DPH6: variants seen among roughly 807,000 people sequenced by gnomAD.
DPH6 encodes diphthine--ammonia ligase.
DPH6 carries 33 observed loss-of-function variants against 38.2 expected under a neutral mutation model. The observed-to-expected ratio is 0.86, with a 90% CI of 0.65 to 1.15. The LOEUF is 1.15. Ranked by LOEUF, DPH6 falls within the 50% of genes most tolerant of loss-of-function variation. DPH6 has a pLI of 0.00. For synonymous variants in DPH6, 108 were observed against 103.0 expected (o/e 1.05, Z -0.30); for missense variants, 325 against 320.0 (o/e 1.02, Z -0.12).
the DPH6 span, among the ~76,000 whole-genome samples, chr15:35,177,295 C>T: frequency 4.6e-5 from 7 of 151,930 alleles, no homozygotes; most frequent in African/African-American, 1.4e-4. Flanking sequence ...TTTATTTGGG[C>T]CATGCACGGT....
the DPH6 span, among the ~76,000 whole-genome samples, chr15:35,154,198 T>C: frequency 1.3e-5 from 2 of 152,138 alleles, no homozygotes; most frequent in Non-Finnish European, 2.9e-5. Flanking sequence ...CATAAAGAAA[T>C]GATAAATGCA....
At chr15:35,496,567 A>AAAAAATATATATATATAT in intron 3 of DPH6, among the ~76,000 whole-genome samples, 59 of 30,992 alleles carry the variant, frequency 1.9e-3, no homozygotes, top group Non-Finnish European at 2.8e-3. Context: ...AAAAAAAAAA[A>AAAAAATATATATATATAT]ATATATATAT....
chr15:35,377,832 A>C (rs888444299), intron 7 of DPH6, among the ~76,000 whole-genome samples: 5 of 152,058 alleles, frequency 3.3e-5, no homozygotes, highest in Admixed American at 1.3e-4. Flanking sequence ...TCTCATAATA[A>C]ACTTCTACTT....
At chr15:35,536,816 T>C (rs890570231) in intron 3 of DPH6, among the ~76,000 whole-genome samples, 40 of 152,122 alleles carry the variant, frequency 2.6e-4, no homozygotes, top group African/African-American at 9.4e-4. Flanking sequence ...AAGTGAAAAC[T>C]GTCAAGATCA....
the DPH6 span, among the ~76,000 whole-genome samples, chr15:35,199,811 A>G: frequency 6.6e-6 from 1 of 152,116 alleles, no homozygotes; most frequent in African/African-American, 2.4e-5. Context: ...TTGTCCTGGA[A>G]ATAGGAGAGT....
At chr15:35,283,071 C>CTCT (rs753006243) in intron 3 of DPH6, 1 of 159,934 alleles carries the variant, frequency 6.3e-6, no homozygotes, top group African/African-American at 2.5e-5. Flanking sequence ...CTTCTTCTTC[C>CTCT]TCTTCTTCTT....
At position 35,430,299 on chromosome 15, in the gene DPH6, T is replaced by C. The variant is rs575088913; in HGVS notation, c.506-19403A>G. Among the ~76,000 whole-genome samples the C allele has an allele frequency of 1.0e-3, 157 of 151,944 alleles. 2 individuals carry two copies. The highest frequency in any genetic ancestry group is 3.7e-3 in the African/African-American group (152 of 41,454). ...AATGCATTCATTGCTACTCAGTTTA[T>C]AAAGTACCTATGGTTATTTACCTGA... is the stretch of plus-strand genomic sequence containing the variant. On this transcript the variant is annotated intron_variant, in intron 5 of 8. Transcript: ENST00000256538.
At chr15:35,189,636 C>T in the DPH6 span, among the ~76,000 whole-genome samples, 1 of 152,074 alleles carries the variant, frequency 6.6e-6, no homozygotes, top group Non-Finnish European at 1.5e-5. Context: ...TTGAAGGCAC[C>T]TTTGTAATTG....
chr15:35,171,444 T>C, the DPH6 span, among the ~76,000 whole-genome samples: 12 of 152,220 alleles, frequency 7.9e-5, no homozygotes, highest in South Asian at 4.1e-4. Flanking sequence ...TTAAAAATTA[T>C]GTAATAAATG....
At chr15:35,311,080 C>CAACAACA (rs1555392422) in intron 3 of DPH6, among the ~76,000 whole-genome samples, 10 of 134,302 alleles carry the variant, frequency 7.4e-5, no homozygotes, top group African/African-American at 2.5e-4. Flanking sequence ...ACAACAACAA[C>CAACAACA]AAAAAAAAAA....
At chr15:35,211,206 A>G in the DPH6 span, among the ~76,000 whole-genome samples, 1 of 152,080 alleles carries the variant, frequency 6.6e-6, no homozygotes, top group Non-Finnish European at 1.5e-5. Flanking sequence ...CCGAATACAG[A>G]GTGGTGGTGA....
At chr15:35,306,069 G>T (rs772602569) in intron 3 of DPH6, among the ~76,000 whole-genome samples, 24 of 152,114 alleles carry the variant, frequency 1.6e-4, no homozygotes, top group Non-Finnish European at 3.2e-4. Flanking sequence ...CTTCAAGACT[G>T]TCAGACAATC....
chr15:35,538,130 T>G (rs1028482805), intron 3 of DPH6, 144 bp downstream of exon 3: 3 of 640,880 alleles, frequency 4.7e-6, no homozygotes, highest in Admixed American at 6.9e-5. Context: ...TGCAGTTTTT[T>G]TCTAACCAAA....
At chr15:35,538,235 A>C in intron 3 of DPH6, 39 bp downstream of exon 3, 1 of 1,374,940 alleles carries the variant, frequency 7.3e-7, no homozygotes, top group East Asian at 2.6e-5. Flanking sequence ...GTTAAATTAC[A>C]CACTAAATCC....
At chr15:35,422,871 G>A (rs780297629) in intron 5 of DPH6, among the ~76,000 whole-genome samples, 6 of 151,798 alleles carry the variant, frequency 4.0e-5, no homozygotes, top group Non-Finnish European at 8.9e-5. Context: ...AGGTTCATCC[G>A]TGTTGTTGAA....
intron 3 of DPH6, among the ~76,000 whole-genome samples, chr15:35,533,779 A>G (rs2055124522): frequency 6.6e-6 from 1 of 151,944 alleles, no homozygotes; most frequent in African/African-American, 2.4e-5. Flanking sequence ...GATTTCAATT[A>G]ATTTATTAAG....
intron 3 of DPH6, chr15:35,490,259 T>A (rs180794576): frequency 5.5e-6 from 5 of 917,122 alleles, no homozygotes; most frequent in Non-Finnish European, 6.5e-6. Context: ...ACAGGCTGAA[T>A]TGTCAGTCAT....
chr15:35,272,148 A>T (rs2051826176), intron 3 of DPH6, among the ~76,000 whole-genome samples: 1 of 151,818 alleles, frequency 6.6e-6, no homozygotes, highest in Non-Finnish European at 1.5e-5. Flanking sequence ...ATAAAAAAAC[A>T]CAAAAAACCA....
At chr15:35,232,439 G>A (rs2051524561) in intron 3 of DPH6, among the ~76,000 whole-genome samples, 1 of 152,068 alleles carries the variant, frequency 6.6e-6, no homozygotes, top group African/African-American at 2.4e-5. Flanking sequence ...ATATAAGCCG[G>A]GTGTGATGGT....
Sources: allele counts gnomAD v4.1 joint callset (sites outside exome capture counted in the v4.1 genomes callset), GRCh38; gene constraint gnomAD v4.1.1; transcripts MANE v1.5; gene names NCBI Gene and HGNC (gene_info 2026-07-23, HGNC 2026-07-21).